Variants in SCUBE3 observed in about 807,000 individuals in gnomAD.
The protein encoded by SCUBE3 is signal peptide, CUB domain and EGF like domain containing 3, also known as signal peptide, CUB and EGF-like domain-containing protein 3.
Under a neutral mutation model 116.8 loss-of-function variants are expected in SCUBE3, and 33 were observed. That is an observed-to-expected ratio of 0.28 (90% confidence interval 0.21 to 0.38). The LOEUF is 0.38. Ranked by LOEUF, SCUBE3 falls within the 10% of genes least tolerant of loss-of-function variation. The probability of loss-of-function intolerance (pLI) is 1.00; values close to 1 mark genes in which losing one functional copy is unlikely to be tolerated. For synonymous variants in SCUBE3, 418 were observed against 496.9 expected (o/e 0.84, Z 2.11); for missense variants, 1,007 against 1,324.8 (o/e 0.76, Z 3.72).
At chr6:35,216,676 C>T (rs939368968) in intron 1 of SCUBE3, among the ~76,000 whole-genome samples, 4 of 152,208 alleles carry the variant, frequency 2.6e-5, no homozygotes, top group African/African-American at 9.7e-5. Context: ...TCAAACATAT[C>T]TCCTGGTTAT....
Position 35,233,059 on chromosome 6 carries a change from G to C in SCUBE3, c.595+84G>C. On this transcript the variant is annotated intron_variant, in intron 5 of 21. Coordinates refer to ENST00000274938, the MANE Select transcript of SCUBE3 (RefSeq NM_152753.4). This position sits in a 1 kb window ranked among gnomAD's most constrained non-coding sequence, Gnocchi z 5.7. ...GGGTATAGGGCTTCAGGAGCAAGAG[G>C]ACAGGGCTGGGAGGAAAAGGGAGTA... 1 of 1,560,560 alleles carries C rather than the reference G, an allele frequency of 6.4e-7. No homozygotes were observed. The highest frequency in any genetic ancestry group is 8.8e-7 in the Non-Finnish European group (1 of 1,137,204).
Position 35,245,540 on chromosome 6 carries a change from A to T in SCUBE3, c.2599+115A>T, listed in dbSNP as rs1784298723. 1 of 820,256 alleles carries T rather than the reference A, an allele frequency of 1.2e-6. No individual in the cohort carries two copies. The highest frequency in any genetic ancestry group is 2.0e-6 in the Non-Finnish European group (1 of 500,228). The allele number at this position is 820,256 out of a possible 1,614,324, so 50.8% of individuals were successfully genotyped here. A position where few individuals can be genotyped will look rare whatever the true frequency, so the allele number is the denominator to read the frequency against. On this transcript the variant is annotated intron_variant, in intron 19 of 21. Coordinates refer to ENST00000274938, the MANE Select transcript of SCUBE3 (RefSeq NM_152753.4). This position sits in a 1 kb window ranked among gnomAD's most constrained non-coding sequence, Gnocchi z 4.2. ...GGGGCAGTGAAGTTAGGGATCTATG[A>T]GGGTGAAATAGTGAGAGGCCTTTAG...
In SCUBE3 at chr6:35,250,584, G is replaced by A. The variant is rs1784517095; in HGVS notation, c.*1879G>A. 6.6e-6 allele frequency: 1 copy of A among 152,178 alleles called. No homozygotes were observed. Among genetic ancestry groups the A allele is most frequent in the African/African-American group, 2.4e-5 (1 of 41,450 alleles). 9.4% of individuals were successfully genotyped at this position (152,178 alleles called of 1,614,324 possible). A position where few individuals can be genotyped will look rare whatever the true frequency, so the allele number is the denominator to read the frequency against. On this transcript the variant is annotated 3_prime_UTR_variant, in exon 22 of 22. Coordinates refer to ENST00000274938, the MANE Select transcript of SCUBE3 (RefSeq NM_152753.4). ...AATCAAGTCCATGCCCAAGCCCAAA[G>A]CCTGCACACATTCTGCCCTTAATCC...
In SCUBE3 at chr6:35,245,457, G is replaced by A. The variant is rs1435610661; in HGVS notation, c.2599+32G>A. 2 of 1,582,620 alleles carry A rather than the reference G, an allele frequency of 1.3e-6. No individual in the cohort carries two copies. The highest frequency in any genetic ancestry group is 3.3e-5 in the Admixed American group (2 of 59,974). ...GGCTTGCAGAGCTGGGCCAGGGAAG[G>A]GCAGTCCAAATCTGGTTAAGGCGGA... On this transcript the variant is annotated intron_variant, in intron 19 of 21. Coordinates refer to ENST00000274938, the MANE Select transcript of SCUBE3 (RefSeq NM_152753.4). This position sits in a 1 kb window ranked among gnomAD's most constrained non-coding sequence, Gnocchi z 4.2.
At chr6:35,216,734 G>A (rs1782910132) in intron 1 of SCUBE3, among the ~76,000 whole-genome samples, 1 of 152,196 alleles carries the variant, frequency 6.6e-6, no homozygotes, top group African/African-American at 2.4e-5. Context: ...TTTATATAAA[G>A]CACTAGCAGG....
chr6:35,215,262 C>T (rs1389920114), intron 1 of SCUBE3, among the ~76,000 whole-genome samples: 1 of 152,174 alleles, frequency 6.6e-6, no homozygotes, highest in East Asian at 1.9e-4. Flanking sequence ...GGAGCTCTGA[C>T]AGATCCCTCT....
chr6:35,225,843 T>C (rs1477579479), intron 1 of SCUBE3, among the ~76,000 whole-genome samples: 2 of 152,208 alleles, frequency 1.3e-5, no homozygotes, highest in East Asian at 3.8e-4. Context: ...AAAAAGGCTA[T>C]AATGAGTCCT....
At position 35,241,043 on chromosome 6, in the gene SCUBE3, A is replaced by G; in HGVS notation, c.1070-98A>G. On this transcript the variant is annotated intron_variant, in intron 9 of 21. Coordinates refer to ENST00000274938, the MANE Select transcript of SCUBE3 (RefSeq NM_152753.4). This position sits in a 1 kb window ranked among gnomAD's most constrained non-coding sequence, Gnocchi z 4.1. The stretch of plus-strand genomic sequence containing the variant: ...TTATTCATCTTGCGTAATGCAGGGT[A>G]CCTGAAACTCTAACCAAAGGCCCTC... The G allele has an allele frequency of 3.5e-6, 4 of 1,150,550 alleles. No homozygotes were observed. The highest frequency in any genetic ancestry group is 5.0e-6 in the Non-Finnish European group (4 of 799,498). The allele number at this position is 1,150,550 out of a possible 1,614,324, so 71.3% of individuals were successfully genotyped here.
rs368890343 is a variant in SCUBE3 at position 35,232,815 on chromosome 6, G to A, written c.470-35G>A. 112 of 1,611,256 alleles carry A rather than the reference G, an allele frequency of 7.0e-5. No individual in the cohort carries two copies. The East Asian group carries it at 1.4e-3, about 20-fold the overall frequency. On this transcript the variant is annotated intron_variant, in intron 4 of 21. Coordinates refer to ENST00000274938, the MANE Select transcript of SCUBE3 (RefSeq NM_152753.4). The surrounding 1 kb of genome is among the most constrained non-coding windows in gnomAD (Gnocchi z 4.2). ...GTTTTTCTTTTCTAGACATCCAGGG[G>A]TACAGAGCATTCACACCCCTTTCTT...
At chr6:35,248,157 A>C (rs911806544) in intron 21 of SCUBE3, among the ~76,000 whole-genome samples, 1 of 112,884 alleles carries the variant, frequency 8.9e-6, no homozygotes, top group Non-Finnish European at 1.9e-5. Flanking sequence ...TGGGGAGAAG[A>C]GTCTACGGAG....
Position 35,241,520 on chromosome 6 carries a change from T to C in SCUBE3, c.1196-23T>C. 6.5e-7 allele frequency: 1 copy of C among 1,536,290 alleles called. No individual in the cohort carries two copies. The highest frequency in any genetic ancestry group is 9.0e-7 in the Non-Finnish European group (1 of 1,109,184). ...GAGGGAAAGGAATGCATTCATTTGC[T>C]CAGGCCTCTCTCCCCTTCCTAGAGC... On this transcript the variant is annotated intron_variant, in intron 10 of 21. Coordinates refer to ENST00000274938, the MANE Select transcript of SCUBE3 (RefSeq NM_152753.4). The surrounding 1 kb of genome is among the most constrained non-coding windows in gnomAD (Gnocchi z 4.1).
Position 35,214,820 on chromosome 6 carries a change from TGAGA to T in SCUBE3, c.85+322_85+325del, listed in dbSNP as rs537079133. The stretch of plus-strand genomic sequence containing the variant: ...GAAAGACTTCTTGTCTTCCAAAATC[TGAGA>T]GAGAATTTTCTCTTCTCTCAAACAT... On this transcript the variant is annotated intron_variant, in intron 1 of 21. Transcript: ENST00000274938. This position sits in a 1 kb window ranked among gnomAD's most constrained non-coding sequence, Gnocchi z 6.3. 9.3e-4 allele frequency among the ~76,000 whole-genome samples: 141 copies of T among 152,346 alleles called. No homozygotes were observed. The highest frequency in any genetic ancestry group is 3.2e-3 in the African/African-American group (134 of 41,570).
rs1406993433 is a variant in SCUBE3, at chr6:35,241,091, C to T, written c.1070-50C>T. On this transcript the variant is annotated intron_variant, in intron 9 of 21. Coordinates refer to ENST00000274938, the MANE Select transcript of SCUBE3 (RefSeq NM_152753.4). The surrounding 1 kb of genome is among the most constrained non-coding windows in gnomAD (Gnocchi z 4.1). Reference sequence around the variant, plus strand: ...CTCACTCACTGCCTACTCTCCGGCTCCTCCTCCAACTCCATCGTTGTTTTT... The same window carrying T: ...CTCACTCACTGCCTACTCTCCGGCTTCTCCTCCAACTCCATCGTTGTTTTT... 3 of 1,551,246 alleles carry T rather than the reference C, an allele frequency of 1.9e-6. No homozygotes were observed. The highest frequency in any genetic ancestry group is 1.8e-6 in the Non-Finnish European group (2 of 1,139,562).
At position 35,244,499 on chromosome 6, in the gene SCUBE3, T is replaced by A; in HGVS notation, c.2240-151T>A. 1.4e-6 allele frequency: 1 copy of A among 726,134 alleles called. No individual in the cohort carries two copies. Among genetic ancestry groups the A allele is most frequent in the Admixed American group, 2.3e-5 (1 of 43,190 alleles). 45.0% of individuals were successfully genotyped at this position (726,134 alleles called of 1,614,324 possible). ...TCTGTTTTTCCGTGGGCTTAAATTC[T>A]GGCATGACTGGGAAAGATTGAGACC... is the stretch of plus-strand genomic sequence containing the variant. On this transcript the variant is annotated intron_variant, in intron 17 of 21. Transcript: ENST00000274938. This position sits in a 1 kb window ranked among gnomAD's most constrained non-coding sequence, Gnocchi z 4.3.
At chr6:35,246,930 G>A (rs996856875) in intron 21 of SCUBE3, among the ~76,000 whole-genome samples, 1 of 151,858 alleles carries the variant, frequency 6.6e-6, no homozygotes, top group African/African-American at 2.4e-5. Context: ...AGTGAGCCGA[G>A]ATGGCGCCAT....
intron 1 of SCUBE3, among the ~76,000 whole-genome samples, chr6:35,215,664 C>G (rs1782857697): frequency 6.6e-6 from 1 of 152,208 alleles, no homozygotes; most frequent in African/African-American, 2.4e-5. Flanking sequence ...TTAAGCTGCT[C>G]TGTTGTATTG....
Position 35,239,978 on chromosome 6 carries a change from CAG to C in SCUBE3, c.952+107_952+108del. 1 of 1,018,688 alleles carries C rather than the reference CAG, an allele frequency of 9.8e-7. No individual in the cohort carries two copies. Among genetic ancestry groups the C allele is most frequent in the Non-Finnish European group, 1.4e-6 (1 of 719,482 alleles). 63.1% of individuals were successfully genotyped at this position (1,018,688 alleles called of 1,614,324 possible). A position where few individuals can be genotyped will look rare whatever the true frequency, so the allele number is the denominator to read the frequency against. On this transcript the variant is annotated intron_variant, in intron 8 of 21. Coordinates refer to ENST00000274938, the MANE Select transcript of SCUBE3 (RefSeq NM_152753.4). This position sits in a 1 kb window ranked among gnomAD's most constrained non-coding sequence, Gnocchi z 4.1. ...TCTTAGAAACTCAATAGATATCACACAGAGTCTCTAGAGGCAGTGTCATCCTG... is the reference window on the plus strand; with the variant it reads ...TCTTAGAAACTCAATAGATATCACACAGTCTCTAGAGGCAGTGTCATCCTG...
In SCUBE3 at chr6:35,251,618, T is replaced by C. The variant is rs1401831463; in HGVS notation, c.*2913T>C. 6.6e-6 allele frequency: 1 copy of C among 152,298 alleles called. No homozygotes were observed. Among genetic ancestry groups the C allele is most frequent in the Non-Finnish European group, 1.5e-5 (1 of 68,076 alleles). 9.4% of individuals were successfully genotyped at this position (152,298 alleles called of 1,614,324 possible). On this transcript the variant is annotated 3_prime_UTR_variant, in exon 22 of 22. Transcript: ENST00000274938. ...TACAAATACACATCCTTCAACCATT[T>C]ATTCCATGGCTTATGAGACCTGCAA...
Position 35,241,506 on chromosome 6 carries a change from A to C in SCUBE3, c.1196-37A>C. On this transcript the variant is annotated intron_variant, in intron 10 of 21. Transcript: ENST00000274938. The surrounding 1 kb of genome is among the most constrained non-coding windows in gnomAD (Gnocchi z 4.1). ...CAAATTACCCAACTGAGGGAAAGGA[A>C]TGCATTCATTTGCTCAGGCCTCTCT... 7.1e-7 allele frequency: 1 copy of C among 1,417,778 alleles called. No homozygotes were observed. Among genetic ancestry groups the C allele is most frequent in the East Asian group, 2.3e-5 (1 of 43,890 alleles). The allele number at this position is 1,417,778 out of a possible 1,614,324, so 87.8% of individuals were successfully genotyped here.
Sources: gnomAD v4.1 joint callset for allele counts (sites outside exome capture counted in the v4.1 genomes callset) on GRCh38, gnomAD v4.1.1 for gene constraint, Gnocchi (gnomAD v3.1) non-coding constraint, MANE v1.5 for transcripts, NCBI Gene and HGNC (gene_info 2026-07-23, HGNC 2026-07-21) for gene names.